GABRA4: variants seen among roughly 807,000 people sequenced by gnomAD.
The protein encoded by GABRA4 is gamma-aminobutyric acid type A receptor subunit alpha4.
Under a neutral mutation model 49.7 loss-of-function variants are expected in GABRA4, and 12 were observed. That is an observed-to-expected ratio of 0.24 (90% CI 0.15 to 0.39). GABRA4 has a LOEUF of 0.39. Ranked by LOEUF, GABRA4 falls within the 10% of genes least tolerant of loss-of-function variation. The probability of loss-of-function intolerance (pLI) is 1.00; values close to 1 mark genes in which losing one functional copy is unlikely to be tolerated. For missense variants in GABRA4, 506 were observed against 686.0 expected (o/e 0.74, Z 2.93); for synonymous variants, 288 against 240.2 (o/e 1.20, Z -1.84).
intron 8 of GABRA4, among the ~76,000 whole-genome samples, chr4:46,950,652 C>G (rs1722136264): frequency 6.6e-6 from 1 of 151,508 alleles, no homozygotes; most frequent in Non-Finnish European, 1.5e-5. Flanking sequence ...AGTTAAGTGC[C>G]TAACCCAGGC....
At chr4:46,928,835 T>A in intron 8 of GABRA4, 80 bp from the exon 9 acceptor site, 1 of 905,592 alleles carries the variant, frequency 1.1e-6, no homozygotes, top group Non-Finnish European at 1.7e-6. Context: ...TCAAAATTCT[T>A]AAAATTAGTC....
chr4:46,959,955 T>A (rs995929557), intron 8 of GABRA4, among the ~76,000 whole-genome samples: 3 of 151,196 alleles, frequency 2.0e-5, no homozygotes, highest in African/African-American at 7.3e-5. Context: ...GTATATTTTA[T>A]AATTTCAACA....
At chr4:46,937,097 G>C (rs1358045495) in intron 8 of GABRA4, among the ~76,000 whole-genome samples, 2 of 152,186 alleles carry the variant, frequency 1.3e-5, no homozygotes, top group Non-Finnish European at 2.9e-5. Flanking sequence ...AGTCACAAAG[G>C]TGGAGCCCTG....
In GABRA4 at chr4:46,936,175, A is replaced by G. The variant is rs540574325; in HGVS notation, c.1135-7420T>C. Among the ~76,000 whole-genome samples the G allele has an allele frequency of 1.7e-3, 253 of 152,316 alleles. 2 individuals carry two copies. Among genetic ancestry groups the G allele is most frequent in the Non-Finnish European group, 2.9e-3 (194 of 68,030 alleles). On this transcript the variant is annotated intron_variant, in intron 8 of 8. Coordinates refer to ENST00000264318, the MANE Select transcript of GABRA4 (RefSeq NM_000809.4). ...GAAAGACTACAGCCACAAGTGTTTC[A>G]ATGTCTAAAAAAAGATGTGGGTTAT...
chr4:46,952,476 T>G (rs1722205231), intron 8 of GABRA4, among the ~76,000 whole-genome samples: 1 of 152,086 alleles, frequency 6.6e-6, no homozygotes, highest in African/African-American at 2.4e-5. Flanking sequence ...CCAAAGACAT[T>G]TTTCATACAT....
At chr4:46,962,973 C>T (rs1268254073) in intron 8 of GABRA4, among the ~76,000 whole-genome samples, 2 of 151,566 alleles carry the variant, frequency 1.3e-5, no homozygotes, top group Non-Finnish European at 3.0e-5. Context: ...GAATTAAGAC[C>T]ACCTCAAACC....
chr4:46,929,608 A>G (rs1206266810), intron 8 of GABRA4, among the ~76,000 whole-genome samples: 1 of 152,150 alleles, frequency 6.6e-6, no homozygotes, highest in Non-Finnish European at 1.5e-5. Context: ...GACAGCCACA[A>G]TAAATAACTA....
In GABRA4 at chr4:46,928,574, G is replaced by T; in HGVS notation, c.1316C>A (p.Ala439Glu). 2 of 1,613,666 alleles carry T rather than the reference G, an allele frequency of 1.2e-6. No homozygotes were observed. The highest frequency in any genetic ancestry group is 1.7e-6 in the Non-Finnish European group (2 of 1,179,732). ...LASSPNPFSR[A>E]NAAETISAAR... ...TGCAGATATGGTTTCAGCTGCATTT[G>T]CACGGCTGAATGGGTTTGGACTGGA... is the stretch of plus-strand genomic sequence containing the variant. Residue 439 changes from alanine to glutamate, a missense_variant, in exon 9 of 9, where the codon GCA becomes GAA. Around this residue, in one of 5 missense-constraint regions of GABRA4, gnomAD observed 243 missense variants for 210.8 expected, o/e 1.15. Transcript: ENST00000264318.
intron 8 of GABRA4, among the ~76,000 whole-genome samples, chr4:46,934,966 A>G (rs113632715): frequency 3.2e-4 from 48 of 152,292 alleles, no homozygotes; most frequent in African/African-American, 1.0e-3. Context: ...AAAGAGTGCA[A>G]AGGACACTCC....
At chr4:46,954,965 T>C (rs1269535675) in intron 8 of GABRA4, among the ~76,000 whole-genome samples, 2 of 152,076 alleles carry the variant, frequency 1.3e-5, no homozygotes, top group Non-Finnish European at 2.9e-5. Flanking sequence ...TAACAACAGA[T>C]GGCAGAGTTT....
chr4:46,942,178 A>G (rs1721824799), intron 8 of GABRA4, among the ~76,000 whole-genome samples: 1 of 152,174 alleles, frequency 6.6e-6, no homozygotes, highest in African/African-American at 2.4e-5. Flanking sequence ...ATACAAGTAT[A>G]GAAAAACAGT....
intron 5 of GABRA4, among the ~76,000 whole-genome samples, chr4:46,975,066 T>C (rs942367464): frequency 3.9e-5 from 6 of 151,960 alleles, no homozygotes; most frequent in South Asian, 2.1e-4. Flanking sequence ...TTAAGCCCAT[T>C]TTCTATTATT....
intron 1 of GABRA4, 107 bp from the exon 2 acceptor site, chr4:46,993,053 A>G (rs928285271): frequency 1.2e-4 from 105 of 874,898 alleles, no homozygotes; most frequent in South Asian, 1.1e-3. Context: ...CGCTTGCCCC[A>G]AGCTAAAGGA....
At chr4:46,968,540 T>C (rs1177235875) in intron 7 of GABRA4, among the ~76,000 whole-genome samples, 1 of 151,644 alleles carries the variant, frequency 6.6e-6, no homozygotes, top group Non-Finnish European at 1.5e-5. Flanking sequence ...AATTACAATT[T>C]GATTTTATAC....
At position 46,921,344 on chromosome 4, in the gene GABRA4, T is replaced by C. The variant is rs1336788471; in HGVS notation, c.*6881A>G. 1.3e-5 allele frequency: 2 copies of C among 151,632 alleles called. No individual in the cohort carries two copies. The highest frequency in any genetic ancestry group is 4.8e-5 in the African/African-American group (2 of 41,314). 9.4% of individuals were successfully genotyped at this position (151,632 alleles called of 1,614,324 possible). On this transcript the variant is annotated 3_prime_UTR_variant, in exon 9 of 9. Coordinates refer to ENST00000264318, the MANE Select transcript of GABRA4 (RefSeq NM_000809.4). ...TAATAAATTAACATTGGGATAGAAATACACGACTGAAAAGTAAAGCCCAAG... is the reference window on the plus strand; with the variant it reads ...TAATAAATTAACATTGGGATAGAAACACACGACTGAAAAGTAAAGCCCAAG...
At chr4:46,978,687 C>CAAAAAAAAAAAAAAAAA (rs71193889) in intron 3 of GABRA4, among the ~76,000 whole-genome samples, 9 of 21,660 alleles carry the variant, frequency 4.2e-4, no homozygotes, top group African/African-American at 6.1e-4. Flanking sequence ...AACTTCATCT[C>CAAAAAAAAAAAAAAAAA]AAAAAAAAAA....
chr4:46,953,180 G>C (rs1722231655), intron 8 of GABRA4, among the ~76,000 whole-genome samples: 1 of 152,016 alleles, frequency 6.6e-6, no homozygotes, highest in South Asian at 2.1e-4. Context: ...TCATAATAAT[G>C]AGCTGGCTTA....
chr4:46,953,818 G>A (rs920158779), intron 8 of GABRA4, among the ~76,000 whole-genome samples: 1 of 152,122 alleles, frequency 6.6e-6, no homozygotes, highest in Non-Finnish European at 1.5e-5. Flanking sequence ...AAAAATTGTG[G>A]ATAGTTGGGG....
intron 8 of GABRA4, among the ~76,000 whole-genome samples, chr4:46,937,836 T>G (rs1461926808): frequency 6.6e-6 from 1 of 152,134 alleles, no homozygotes; most frequent in Non-Finnish European, 1.5e-5. Flanking sequence ...AGTTTAGACA[T>G]AATTTGAGCT....
Sources: gnomAD v4.1 joint callset for allele counts (sites outside exome capture counted in the v4.1 genomes callset) on GRCh38, gnomAD v4.1.1 for gene constraint, gnomAD v4.1.1 regional missense constraint, MANE v1.5 for transcripts, NCBI Gene and HGNC (gene_info 2026-07-23, HGNC 2026-07-21) for gene names.